Variants in BMP2K observed in about 807,000 individuals in gnomAD.
BMP2K encodes the protein BMP-2-inducible protein kinase.
BMP2K carries 74 observed loss-of-function variants against 116.0 expected under a neutral mutation model. That is an observed-to-expected ratio of 0.64 (90% CI 0.53 to 0.77). The LOEUF is 0.77. Among genes scored for constraint, BMP2K ranks in the 30% least tolerant of loss-of-function variants. The pLI, the probability that BMP2K is intolerant of heterozygous loss-of-function variation, is 0.00. For synonymous variants in BMP2K, 486 were observed against 502.5 expected, an observed-to-expected ratio of 0.97 and a Z score of 0.44; for missense variants, 1,365 against 1,403.6, an observed-to-expected ratio of 0.97 and a Z score of 0.44.
At chr4:78,892,715 T>C (rs1485572969) in intron 15 of BMP2K, among the ~76,000 whole-genome samples, 1 of 152,168 alleles carries the variant, frequency 6.6e-6, no homozygotes, top group Non-Finnish European at 1.5e-5. Context: ...GGGACACACA[T>C]TTTTTTGTTT....
At chr4:78,906,767 A>G (rs920436916) in intron 15 of BMP2K, among the ~76,000 whole-genome samples, 1 of 152,104 alleles carries the variant, frequency 6.6e-6, no homozygotes, top group Non-Finnish European at 1.5e-5. Context: ...AAAATAATTG[A>G]ATTTGGCCAT....
chr4:78,783,216 C>T (rs1325421896), intron 1 of BMP2K, among the ~76,000 whole-genome samples: 1 of 152,124 alleles, frequency 6.6e-6, no homozygotes, highest in East Asian at 1.9e-4. Context: ...AAGTTTCAAT[C>T]AGCTATATAA....
In BMP2K at chr4:78,912,768, T is replaced by C. The variant is rs1734721863; in HGVS notation, c.*735T>C. On this transcript the variant is annotated 3_prime_UTR_variant, in exon 16 of 16. Coordinates refer to ENST00000502613, the MANE Select transcript of BMP2K (RefSeq NM_198892.2). ...TATAATTTTTGTCAGTTAAAACAAA[T>C]TAAAAAAATGGACTATCGTCGCACA... 1 of 151,120 alleles carries C rather than the reference T, an allele frequency of 6.6e-6. No homozygotes were observed. Among genetic ancestry groups the C allele is most frequent in the Non-Finnish European group, 1.5e-5 (1 of 67,838 alleles). The allele number at this position is 151,120 out of a possible 1,614,324, so 9.4% of individuals were successfully genotyped here. A position where few individuals can be genotyped will look rare whatever the true frequency, so the allele number is the denominator to read the frequency against.
At chr4:78,840,007 G>A (rs1290948044) in intron 3 of BMP2K, among the ~76,000 whole-genome samples, 2 of 151,950 alleles carry the variant, frequency 1.3e-5, no homozygotes, top group African/African-American at 2.4e-5. Context: ...TTGACACTCA[G>A]TATTAACCAT....
intron 1 of BMP2K, among the ~76,000 whole-genome samples, chr4:78,788,753 T>A (rs78290182): frequency 0.19 from 29,001 of 151,560 alleles, 5,984 homozygotes; most frequent in African/African-American, 0.52. Flanking sequence ...TCCATAGGGA[T>A]GGTTGGAAGT....
rs768495567 is a variant in BMP2K at position 78,851,069 on chromosome 4, G to A, written c.883+13G>A. ...CATTGCTTAATAAGTAAGTATTTGG[G>A]AAAATGTATGAAAATATTGTAGGAT... On this transcript the variant is annotated intron_variant, in intron 7 of 15. Coordinates refer to ENST00000502613, the MANE Select transcript of BMP2K (RefSeq NM_198892.2). The A allele has an allele frequency of 1.3e-6, 2 of 1,596,384 alleles. No individual in the cohort carries two copies. The highest frequency in any genetic ancestry group is 1.1e-5 in the South Asian group (1 of 89,302).
chr4:78,825,054 A>T (rs1333276759), intron 1 of BMP2K, among the ~76,000 whole-genome samples: 1 of 152,072 alleles, frequency 6.6e-6, no homozygotes, highest in African/African-American at 2.4e-5. Flanking sequence ...AATACAAAAA[A>T]TTAGCCAGGT....
chr4:78,802,031 A>G (rs1052800639), intron 1 of BMP2K, among the ~76,000 whole-genome samples: 1 of 152,172 alleles, frequency 6.6e-6, no homozygotes. Flanking sequence ...AGTGAAGGCC[A>G]TTTTTTGTTA....
intron 2 of BMP2K, among the ~76,000 whole-genome samples, chr4:78,829,753 A>ATCCTTTTCTTTTCTTTTCTTTTCTTT (rs1553915806): frequency 2.5e-5 from 3 of 122,096 alleles, no homozygotes; most frequent in African/African-American, 1.0e-4. Context: ...CATGGAAACA[A>ATCCTTTTCTTTTCTTTTCTTTTCTTT]TCTTTTCTTT....
chr4:78,900,410 T>C (rs974090598), intron 15 of BMP2K, among the ~76,000 whole-genome samples: 1 of 152,270 alleles, frequency 6.6e-6, no homozygotes. Context: ...CAACTGTATA[T>C]AGAAAGACTG....
chr4:78,821,270 A>G (rs2109990375), intron 1 of BMP2K, among the ~76,000 whole-genome samples: 1 of 152,276 alleles, frequency 6.6e-6, no homozygotes, highest in Non-Finnish European at 1.5e-5. Flanking sequence ...AAATGGGGCA[A>G]GTTTCTTGAC....
chr4:78,880,076 G>GT (rs1375320245), intron 14 of BMP2K: 3 of 152,114 alleles, frequency 2.0e-5, no homozygotes, highest in Non-Finnish European at 2.9e-5. Context: ...TTGTTTGTTT[G>GT]TTTTTTGTTT....
At chr4:78,842,646 T>C in intron 4 of BMP2K, 119 bp downstream of exon 4, 1 of 844,864 alleles carries the variant, frequency 1.2e-6, no homozygotes, top group South Asian at 3.1e-5. Context: ...TCTCCCCTTC[T>C]ACATTTCCTG....
Position 78,845,039 on chromosome 4 carries a change from G to T in BMP2K, c.658G>T (p.Glu220Ter). 1 of 1,575,798 alleles carries T rather than the reference G, an allele frequency of 6.3e-7. No homozygotes were observed. The highest frequency in any genetic ancestry group is 8.7e-7 in the Non-Finnish European group (1 of 1,152,482). ...AGATGGAGTTAATGTAGTAGAAGAA[G>T]AAATTAAAAAGTAAGTATTTGTCTT... ...QKDGVNVVEE[E>*]IKKYTTLSYR... Residue 220 changes from glutamate to a stop codon, truncating the protein, a stop_gained, in exon 5 of 16, where the codon GAA becomes TAA. Coordinates refer to ENST00000502613, the MANE Select transcript of BMP2K (RefSeq NM_198892.2). LOFTEE classifies it high-confidence loss of function.
intron 15 of BMP2K, among the ~76,000 whole-genome samples, chr4:78,888,848 C>G (rs1366804804): frequency 6.6e-6 from 1 of 152,128 alleles, no homozygotes; most frequent in East Asian, 1.9e-4. Context: ...TAATACTGTT[C>G]ATTGAATGTG....
chr4:78,878,265 CTG>C (rs758821138), intron 13 of BMP2K, among the ~76,000 whole-genome samples: 38 of 152,272 alleles, frequency 2.5e-4, no homozygotes, highest in Non-Finnish European at 5.1e-4. Context: ...CATTTGATCA[CTG>C]TGTTCAGTAG....
chr4:78,860,068 A>G (rs781009318), intron 8 of BMP2K: 5 of 513,510 alleles, frequency 9.7e-6, no homozygotes, highest in African/African-American at 5.9e-5. Context: ...GACACGGAGC[A>G]CTGTTAACTG....
At chr4:78,831,836 C>G (rs1730222091) in intron 2 of BMP2K, among the ~76,000 whole-genome samples, 1 of 152,130 alleles carries the variant, frequency 6.6e-6, no homozygotes. Flanking sequence ...GCTCAGTGCT[C>G]TGGATGGCTT....
At chr4:78,871,167 G>C in intron 11 of BMP2K, 107 bp downstream of exon 11, 1 of 1,510,242 alleles carries the variant, frequency 6.6e-7, no homozygotes, top group Non-Finnish European at 8.8e-7. Flanking sequence ...CTCTAGATTT[G>C]AGTAAACACT....
Sources: gnomAD v4.1 joint callset for allele counts (sites outside exome capture counted in the v4.1 genomes callset) on GRCh38, gnomAD v4.1.1 for gene constraint, MANE v1.5 for transcripts, NCBI Gene and HGNC (gene_info 2026-07-23, HGNC 2026-07-21) for gene names.